The following NLGN4X variants were observed in gnomAD, a reference collection of about 807,000 sequenced individuals.
The protein encoded by NLGN4X is neuroligin 4 X-linked.
Under a neutral mutation model 40.3 loss-of-function variants are expected in NLGN4X, and 3 were observed. That is an observed-to-expected ratio of 0.07 (90% CI 0.03 to 0.19). NLGN4X has a LOEUF of 0.19. NLGN4X is among the 10% of genes least tolerant of loss of function. The pLI is 1.00. For synonymous variants in NLGN4X, 270 were observed against 306.8 expected, an observed-to-expected ratio of 0.88 and a Z score of 1.25; for missense variants, 382 against 708.3, an observed-to-expected ratio of 0.54 and a Z score of 5.23.
intron 2 of NLGN4X, among the ~76,000 whole-genome samples, chrX:6,071,339 G>A (rs2038058914): frequency 9.0e-6 from 1 of 111,415 alleles, no homozygotes; most frequent in South Asian, 3.8e-4. Context: ...TTATTTTCAT[G>A]TTCTAAATCA....
intron 2 of NLGN4X, among the ~76,000 whole-genome samples, chrX:6,112,204 C>A (rs990188791): frequency 4.5e-5 from 5 of 111,399 alleles, no homozygotes; most frequent in African/African-American, 1.6e-4. Context: ...ATTATCTGGG[C>A]ACAGAATAAC....
At chrX:6,037,643 GTTTTC>G (rs1259367862) in intron 2 of NLGN4X, among the ~76,000 whole-genome samples, 6 of 103,955 alleles carry the variant, frequency 5.8e-5, no homozygotes, top group East Asian at 3.1e-4. Flanking sequence ...CTGCATATTC[GTTTTC>G]TTTTAAGTGG....
chrX:5,950,333 T>A (rs1376905738), intron 3 of NLGN4X, among the ~76,000 whole-genome samples: 1 of 112,444 alleles, frequency 8.9e-6, no homozygotes, highest in Non-Finnish European at 1.9e-5. Context: ...TTTGTCTCTA[T>A]TGTCTGCTGA....
intron 1 of NLGN4X, among the ~76,000 whole-genome samples, chrX:6,173,878 G>A (rs777144252): frequency 9.0e-6 from 1 of 111,357 alleles, no homozygotes; most frequent in Non-Finnish European, 1.9e-5. Flanking sequence ...CCAACATGGT[G>A]AAACCCTGTC....
chrX:5,992,149 T>C (rs1445678415), intron 3 of NLGN4X, among the ~76,000 whole-genome samples: 2 of 111,810 alleles, frequency 1.8e-5, no homozygotes, highest in African/African-American at 6.5e-5. Flanking sequence ...TTGGACCTAA[T>C]GAGGAATAAA....
chrX:6,139,782 C>G (rs73444289), intron 2 of NLGN4X, among the ~76,000 whole-genome samples: 13,030 of 111,490 alleles, frequency 0.12, 585 homozygotes, highest in Admixed American at 0.15. Flanking sequence ...GGGTTTAGAT[C>G]TCTCCAGATA....
chrX:6,167,396 A>G lies in NLGN4X; in HGVS notation c.-305-15625T>C, dbSNP rs150215453. On this transcript the variant is annotated intron_variant, in intron 1 of 5. Transcript: ENST00000381095. ...GAGAGCAGTCCCAGCAACTGCACAC[A>G]TGGTCCTTCTCTGTCTGAACCAAAG... Among the ~76,000 whole-genome samples the G allele has an allele frequency of 8.4e-3, 943 of 112,465 alleles. 7 individuals carry two copies. Among genetic ancestry groups the G allele is most frequent in the African/African-American group, 0.029 (903 of 30,977 alleles).
intron 2 of NLGN4X, among the ~76,000 whole-genome samples, chrX:6,036,669 G>A (rs1418756522): frequency 2.7e-5 from 3 of 109,257 alleles, no homozygotes; most frequent in African/African-American, 1.0e-4. Context: ...TAGGTAGGCT[G>A]TGAGTTTCCT....
At chrX:5,963,255 G>C (rs748975987) in intron 3 of NLGN4X, among the ~76,000 whole-genome samples, 2 of 110,936 alleles carry the variant, frequency 1.8e-5, no homozygotes, top group Admixed American at 9.6e-5. Flanking sequence ...AATATGGACA[G>C]GAAGCTCCAT....
intron 3 of NLGN4X, among the ~76,000 whole-genome samples, chrX:5,942,224 C>G (rs1406610949): frequency 1.8e-5 from 2 of 109,675 alleles, no homozygotes; most frequent in African/African-American, 6.7e-5. Context: ...CCACTGCATT[C>G]AAGACTGGGC....
chrX:6,169,846 G>C (rs1173217801), intron 1 of NLGN4X, among the ~76,000 whole-genome samples: 1 of 111,589 alleles, frequency 9.0e-6, no homozygotes, highest in African/African-American at 3.3e-5. Context: ...GGAAGCTTGG[G>C]AGAAGCATTA....
chrX:6,093,484 C>T (rs1247678021), intron 2 of NLGN4X, among the ~76,000 whole-genome samples: 1 of 110,667 alleles, frequency 9.0e-6, no homozygotes, highest in African/African-American at 3.3e-5. Flanking sequence ...GAAGAAAATA[C>T]AGAAAAAGAA....
At chrX:5,941,325 A>G (rs1364166574) in intron 3 of NLGN4X, among the ~76,000 whole-genome samples, 1 of 109,796 alleles carries the variant, frequency 9.1e-6, no homozygotes, top group African/African-American at 3.3e-5. Context: ...TTAAACCTGC[A>G]AATTAATTCA....
intron 2 of NLGN4X, among the ~76,000 whole-genome samples, chrX:6,039,097 T>C (rs1013980839): frequency 1.8e-5 from 2 of 111,183 alleles, no homozygotes; most frequent in Admixed American, 1.9e-4. Context: ...TCCTCATACA[T>C]AGAGAGTCTG....
chrX:5,972,064 A>T (rs1472688661), intron 3 of NLGN4X, among the ~76,000 whole-genome samples: 1 of 111,380 alleles, frequency 9.0e-6, no homozygotes, highest in East Asian at 2.8e-4. Context: ...ATATCTAACG[A>T]AAGGGGAAAG....
intron 2 of NLGN4X, among the ~76,000 whole-genome samples, chrX:6,054,700 C>G (rs914065821): frequency 7.2e-5 from 8 of 110,933 alleles, no homozygotes; most frequent in African/African-American, 2.6e-4. Flanking sequence ...TTGTTTTGCC[C>G]AAGGTGGAGT....
chrX:6,030,807 C>T (rs1431596792), intron 2 of NLGN4X, among the ~76,000 whole-genome samples: 1 of 112,014 alleles, frequency 8.9e-6, no homozygotes, highest in East Asian at 2.8e-4. Flanking sequence ...TCATACACTA[C>T]GGGAAATGTC....
At chrX:6,033,361 T>A (rs985901362) in intron 2 of NLGN4X, among the ~76,000 whole-genome samples, 1 of 112,145 alleles carries the variant, frequency 8.9e-6, no homozygotes, top group Non-Finnish European at 1.9e-5. Context: ...TCACTAAGAT[T>A]TACCTCTACT....
chrX:6,002,718 T>C (rs758074069), intron 3 of NLGN4X, among the ~76,000 whole-genome samples: 8 of 111,553 alleles, frequency 7.2e-5, no homozygotes, highest in African/African-American at 2.6e-4. Context: ...ACATTCCTGT[T>C]TTCCCACTCG....
Sources: allele counts gnomAD v4.1 joint callset (sites outside exome capture counted in the v4.1 genomes callset), GRCh38; gene constraint gnomAD v4.1.1; transcripts MANE v1.5; gene names NCBI Gene and HGNC (gene_info 2026-07-23, HGNC 2026-07-21).